The following LRRC18 variants were observed in gnomAD, a reference collection of about 807,000 sequenced individuals.
The protein encoded by LRRC18 is leucine rich repeat containing 18.
A neutral mutation model predicts 11.2 loss-of-function variants in LRRC18; 12 were observed. That is an observed-to-expected ratio of 1.07 (90% confidence interval 0.69 to 1.74). LRRC18 has a LOEUF of 1.74. Among genes scored for constraint, LRRC18 ranks in the 40% most tolerant of loss-of-function variants. The pLI is 0.00. For missense variants in LRRC18, 374 were observed against 330.5 expected, an observed-to-expected ratio of 1.13 and a Z score of -1.02; for synonymous variants, 155 against 130.6, an observed-to-expected ratio of 1.19 and a Z score of -1.27.
At chr10:48,926,437 G>A in the LRRC18 span, among the ~76,000 whole-genome samples, 1 of 152,198 alleles carries the variant, frequency 6.6e-6, no homozygotes, top group African/African-American at 2.4e-5. Context: ...GAAGGATGGT[G>A]TGCACTCTGG....
intron 1 of LRRC18, among the ~76,000 whole-genome samples, chr10:48,910,646 C>T (rs1477740980): frequency 1.3e-5 from 2 of 152,150 alleles, no homozygotes; most frequent in Non-Finnish European, 2.9e-5. Context: ...TGCATTGAGG[C>T]AAATCCAGCC....
chr10:48,937,224 C>G, the LRRC18 span, among the ~76,000 whole-genome samples: 3 of 152,210 alleles, frequency 2.0e-5, no homozygotes, highest in South Asian at 2.1e-4. Flanking sequence ...TGTACAGCCT[C>G]ATATTATGGC....
upstream of LRRC18, among the ~76,000 whole-genome samples, chr10:48,914,883 C>G (rs561506781): frequency 2.0e-5 from 3 of 152,134 alleles, no homozygotes; most frequent in Non-Finnish European, 4.4e-5. Context: ...ATGGGGGGTG[C>G]GGGCAAAGCT....
At chr10:48,916,209 T>C (rs1020633296), upstream of LRRC18, among the ~76,000 whole-genome samples, 1 of 152,194 alleles carries the variant, frequency 6.6e-6, no homozygotes, top group Non-Finnish European at 1.5e-5. Flanking sequence ...ACCGTTTCTC[T>C]TGGCTTGGAC....
intron 1 of LRRC18, chr10:48,910,904 T>C: frequency 4.1e-6 from 4 of 985,226 alleles, no homozygotes; most frequent in Non-Finnish European, 4.8e-6. Context: ...AACCTCGATG[T>C]TTCTCTTAAC....
chr10:48,909,818 A>G (rs3954099), exon 2 of LRRC18: 39,846 of 164,040 alleles, frequency 0.24, 7,163 homozygotes, highest in African/African-American at 0.52. Flanking sequence ...GGTTTGGAGG[A>G]GACAAATGCC....
chr10:48,915,448 A>G (rs1484616994), upstream of LRRC18, among the ~76,000 whole-genome samples: 1 of 151,268 alleles, frequency 6.6e-6, no homozygotes, highest in East Asian at 1.9e-4. Context: ...TTTCCAAACC[A>G]GGCAGAAGTA....
In LRRC18 at chr10:48,912,684, C is replaced by T. The variant is rs76813367; in HGVS notation, c.764+708G>A. Among the ~76,000 whole-genome samples, 1,294 of 152,346 alleles carry T rather than the reference C, an allele frequency of 8.5e-3. 20 individuals are homozygous for T. Among genetic ancestry groups the T allele is most frequent in the African/African-American group, 0.029 (1,216 of 41,572 alleles). ...CAATCCATACTTGCCACCATTATTT[C>T]GTTTCTCCTATGAGGATCTGGAAAA... On this transcript the variant is annotated intron_variant, in intron 1 of 1. Coordinates refer to ENST00000374160, the Ensembl canonical transcript of LRRC18.
rs1346064206 is a variant in LRRC18 at position 48,910,719 on chromosome 10, G to T, written c.765-461C>A. Among the ~76,000 whole-genome samples, 3 of 152,174 alleles carry T rather than the reference G, an allele frequency of 2.0e-5. No individual in the cohort carries two copies. The South Asian group carries it at 6.2e-4, about 32-fold the overall frequency. ...TGCACTTGAAACTCCTTCCTGAGAT[G>T]TGTGATAAGAGGCAAAGCATGATAA... On this transcript the variant is annotated intron_variant, in intron 1 of 1. Transcript: ENST00000374160.
chr10:48,916,462 A>C (rs1838542816), upstream of LRRC18, among the ~76,000 whole-genome samples: 1 of 152,216 alleles, frequency 6.6e-6, no homozygotes, highest in Non-Finnish European at 1.5e-5. Flanking sequence ...GGCATCTAGA[A>C]GCTGGAAGAA....
chr10:48,929,983 T>G, the LRRC18 span, among the ~76,000 whole-genome samples: 8 of 152,164 alleles, frequency 5.3e-5, no homozygotes, highest in African/African-American at 1.9e-4. Flanking sequence ...TTATGATGCA[T>G]TACTTGTTAT....
At chr10:48,926,026 G>A in the LRRC18 span, among the ~76,000 whole-genome samples, 1 of 152,176 alleles carries the variant, frequency 6.6e-6, no homozygotes, top group South Asian at 2.1e-4. Context: ...ACCTCAATGT[G>A]TCTGATACGC....
the LRRC18 span, among the ~76,000 whole-genome samples, chr10:48,936,362 T>C: frequency 6.6e-6 from 1 of 152,150 alleles, no homozygotes; most frequent in East Asian, 1.9e-4. Flanking sequence ...AAATTAAAAA[T>C]TACCTCAAAT....
At chr10:48,937,881 T>C in the LRRC18 span, among the ~76,000 whole-genome samples, 1 of 152,114 alleles carries the variant, frequency 6.6e-6, no homozygotes, top group Admixed American at 6.5e-5. Context: ...AGAGGGAGTG[T>C]GTTTGGCTTC....
rs778615169 is a variant in LRRC18 at position 48,914,143 on chromosome 10, C to A, written c.13G>T (p.Glu5Ter). 1 of 1,612,748 alleles carries A rather than the reference C, an allele frequency of 6.2e-7. No individual in the cohort carries two copies. Among genetic ancestry groups the A allele is most frequent in the African/African-American group, 1.3e-5 (1 of 74,842 alleles). The change falls in exon 1 of 2, where the codon GAG becomes TAG. Residue 5 changes from glutamate (E) to a stop codon, truncating the protein, a stop_gained. Transcript: ENST00000374160. LOFTEE classifies it high-confidence loss of function. ...ATCTTCTTGCCCTTGGGGCCTTTCT[C>A]ACCCTTAACCATGTTCTTTTAGTAA...
chr10:48,912,497 C>A (rs1016810038), intron 1 of LRRC18, among the ~76,000 whole-genome samples: 1 of 152,216 alleles, frequency 6.6e-6, no homozygotes, highest in East Asian at 1.9e-4. Flanking sequence ...TGCACATCCA[C>A]GACTGGGATC....
At chr10:48,914,577 C>T (rs1427472607), upstream of LRRC18, among the ~76,000 whole-genome samples, 1 of 152,166 alleles carries the variant, frequency 6.6e-6, no homozygotes, top group East Asian at 1.9e-4. Context: ...GGATATCTGC[C>T]CCTTCCTAGA....
exon 1 of LRRC18, chr10:48,913,894 G>A (rs1447522533): frequency 1.1e-5 from 18 of 1,614,060 alleles, no homozygotes; most frequent in Middle Eastern, 1.6e-4. Flanking sequence ...GACTCAGGCA[G>A]CTTGTCTATG....
the LRRC18 span, among the ~76,000 whole-genome samples, chr10:48,922,582 T>C: frequency 1.3e-5 from 2 of 152,206 alleles, no homozygotes. Context: ...AACTCGTAAA[T>C]TAAACTTTAT....
Sources: allele counts gnomAD v4.1 joint callset (sites outside exome capture counted in the v4.1 genomes callset), GRCh38; gene constraint gnomAD v4.1.1; transcripts MANE v1.5; gene names NCBI Gene and HGNC (gene_info 2026-07-23, HGNC 2026-07-21).